The following ADAM22 variants were observed in gnomAD, a reference collection of about 807,000 sequenced individuals.
ADAM22 encodes the protein disintegrin and metalloproteinase domain-containing protein 22.
A neutral mutation model predicts 144.6 loss-of-function variants in ADAM22; 65 were observed. The ratio of observed to expected loss-of-function variants is 0.45; its 90% CI spans 0.37 to 0.55. ADAM22 has a LOEUF of 0.55. Ranked by LOEUF, ADAM22 falls within the 20% of genes least tolerant of loss-of-function variation. The probability of loss-of-function intolerance (pLI) is 0.00; values close to 1 mark genes in which losing one functional copy is unlikely to be tolerated. For missense variants in ADAM22, 974 were observed against 1,184.9 expected (o/e 0.82, Z 2.61); for synonymous variants, 391 against 412.6 (o/e 0.95, Z 0.63).
intron 3 of ADAM22, among the ~76,000 whole-genome samples, chr7:88,049,823 T>A (rs1159545832): frequency 6.6e-6 from 1 of 151,684 alleles, no homozygotes; most frequent in African/African-American, 2.4e-5. Flanking sequence ...AGATTCTTTT[T>A]TATTTTTGGT....
chr7:88,167,660 A>G lies in ADAM22; in HGVS notation c.2192-477A>G, dbSNP rs371317167. Among the ~76,000 whole-genome samples, 7 of 152,306 alleles carry G rather than the reference A, an allele frequency of 4.6e-5. No homozygotes were observed. The South Asian group carries it at 8.3e-4, about 18-fold the overall frequency. ...GGGCAGTAATCACAGAAGTCTGTGG[A>G]CATGTTTTCTCCCTTAAGAAGCTTG... On this transcript the variant is annotated intron_variant, in intron 24 of 31. Coordinates refer to ENST00000413139, the MANE Select transcript of ADAM22 (RefSeq NM_001324418.2).
chr7:88,067,304 G>C (rs967390251), intron 3 of ADAM22, among the ~76,000 whole-genome samples: 2 of 150,172 alleles, frequency 1.3e-5, no homozygotes, highest in Non-Finnish European at 3.0e-5. Context: ...GTGCAGGTTA[G>C]TTACATATGT....
At chr7:87,971,115 A>G (rs2129447221) in intron 2 of ADAM22, among the ~76,000 whole-genome samples, 1 of 152,248 alleles carries the variant, frequency 6.6e-6, no homozygotes, top group Middle Eastern at 3.4e-3. Context: ...GTTGTTATCA[A>G]ATTGGCCTTA....
chr7:88,065,665 T>TG (rs1811043776), intron 3 of ADAM22, among the ~76,000 whole-genome samples: 1 of 152,116 alleles, frequency 6.6e-6, no homozygotes, highest in South Asian at 2.1e-4. Context: ...ATATCTTCTA[T>TG]GGCATGTTAG....
At chr7:88,032,647 G>A (rs989420917) in intron 3 of ADAM22, among the ~76,000 whole-genome samples, 2 of 152,140 alleles carry the variant, frequency 1.3e-5, no homozygotes, top group Non-Finnish European at 2.9e-5. Context: ...ATTCGGTGGG[G>A]GAGGCAGGGG....
intron 2 of ADAM22, among the ~76,000 whole-genome samples, chr7:87,939,346 GA>G (rs1395176684): frequency 6.6e-6 from 1 of 152,226 alleles, no homozygotes; most frequent in Non-Finnish European, 1.5e-5. Context: ...GATAAAACAG[GA>G]AAGCAAAGAG....
intron 31 of ADAM22, among the ~76,000 whole-genome samples, chr7:88,194,415 G>C (rs577817529): frequency 6.6e-6 from 1 of 152,188 alleles, no homozygotes; most frequent in African/African-American, 2.4e-5. Context: ...TCTATGCACT[G>C]TGGAACAGCC....
At chr7:88,035,382 A>T (rs564882802) in intron 3 of ADAM22, among the ~76,000 whole-genome samples, 55 of 152,324 alleles carry the variant, frequency 3.6e-4, no homozygotes, top group African/African-American at 1.3e-3. Context: ...CAGTCCATTT[A>T]TGGAACAGTG....
intron 3 of ADAM22, among the ~76,000 whole-genome samples, chr7:88,059,479 A>T (rs1405233448): frequency 1.3e-5 from 2 of 152,216 alleles, no homozygotes; most frequent in African/African-American, 4.8e-5. Context: ...AAACTGCCTC[A>T]ATACAGCAAA....
chr7:88,107,699 C>T (rs900704926), intron 4 of ADAM22, among the ~76,000 whole-genome samples: 1 of 152,106 alleles, frequency 6.6e-6, no homozygotes, highest in East Asian at 1.9e-4. Context: ...GATCCTCCTG[C>T]CTTAACCTCC....
chr7:88,061,780 A>G (rs1181527389), intron 3 of ADAM22, among the ~76,000 whole-genome samples: 2 of 150,944 alleles, frequency 1.3e-5, no homozygotes, highest in African/African-American at 4.9e-5. Flanking sequence ...GCTTAAAGTC[A>G]CCAGCTGCAT....
intron 2 of ADAM22, among the ~76,000 whole-genome samples, chr7:87,955,673 G>C (rs1324450872): frequency 6.6e-6 from 1 of 152,212 alleles, no homozygotes; most frequent in East Asian, 1.9e-4. Flanking sequence ...GTCAGACAGG[G>C]ACATTTAAGT....
chr7:88,099,033 A>C (rs1822205356), intron 4 of ADAM22, among the ~76,000 whole-genome samples: 1 of 152,188 alleles, frequency 6.6e-6, no homozygotes, highest in Admixed American at 6.5e-5. Flanking sequence ...CCAGTAGTGT[A>C]TATGAGAGTT....
At chr7:88,010,411 A>C (rs756670954) in intron 3 of ADAM22, among the ~76,000 whole-genome samples, 2 of 152,246 alleles carry the variant, frequency 1.3e-5, no homozygotes, top group Non-Finnish European at 2.9e-5. Flanking sequence ...GCAGGTTGGA[A>C]GTAGCCTAAA....
At position 88,097,211 on chromosome 7, in the gene ADAM22, G is replaced by A. The variant is rs1270986615; in HGVS notation, c.391-10965G>A. Among the ~76,000 whole-genome samples the A allele has an allele frequency of 2.7e-5, 4 of 148,576 alleles. 1 individual carries two copies. The highest frequency in any genetic ancestry group is 5.9e-5 in the Non-Finnish European group (4 of 67,462). On this transcript the variant is annotated intron_variant, in intron 4 of 31. Coordinates refer to ENST00000413139, the MANE Select transcript of ADAM22 (RefSeq NM_001324418.2). ...CTGTCACCCAGGCTGGAGTACAGTG[G>A]CACCATCTCGGCTCACTGCAACCTC... is the stretch of plus-strand genomic sequence containing the variant.
rs186916277 is a variant in ADAM22 at position 88,111,446 on chromosome 7, C to G, written c.474-3138C>G. On this transcript the variant is annotated intron_variant, in intron 5 of 31. Coordinates refer to ENST00000413139, the MANE Select transcript of ADAM22 (RefSeq NM_001324418.2). Reference sequence around the variant, plus strand: ...GGAAAATCAGATTCGTATATCTTTCCCATAAAGAACCTGCAAGGTCACATT... The same window carrying G: ...GGAAAATCAGATTCGTATATCTTTCGCATAAAGAACCTGCAAGGTCACATT... Among the ~76,000 whole-genome samples the G allele has an allele frequency of 6.1e-3, 924 of 151,880 alleles. 15 individuals are homozygous for G. The highest frequency in any genetic ancestry group is 4.4e-3 in the Non-Finnish European group (299 of 67,956).
chr7:88,069,048 C>CT (rs1425002928), intron 3 of ADAM22, among the ~76,000 whole-genome samples: 3 of 151,988 alleles, frequency 2.0e-5, no homozygotes, highest in Non-Finnish European at 2.9e-5. Flanking sequence ...GGATTGGTGC[C>CT]TTATTAAAGG....
At chr7:88,069,995 AT>A (rs200336395) in intron 3 of ADAM22, among the ~76,000 whole-genome samples, 14 of 149,722 alleles carry the variant, frequency 9.4e-5, no homozygotes, top group East Asian at 2.0e-4. Flanking sequence ...GTCAACATTT[AT>A]TTTTTTTTTA....
intron 3 of ADAM22, among the ~76,000 whole-genome samples, chr7:88,035,036 G>A (rs1331682710): frequency 6.6e-6 from 1 of 151,894 alleles, no homozygotes; most frequent in African/African-American, 2.4e-5. Flanking sequence ...GTAGATAGCT[G>A]GTAAATTTGG....
Sources: allele counts gnomAD v4.1 joint callset (sites outside exome capture counted in the v4.1 genomes callset), GRCh38; gene constraint gnomAD v4.1.1; transcripts MANE v1.5; gene names NCBI Gene and HGNC (gene_info 2026-07-23, HGNC 2026-07-21).